CA10: variants seen among roughly 807,000 people sequenced by gnomAD.
CA10 encodes carbonic anhydrase-related protein 10.
CA10 carries 14 observed loss-of-function variants against 44.2 expected under a neutral mutation model. That is an observed-to-expected ratio of 0.32 (90% CI 0.21 to 0.50). The LOEUF (loss-of-function observed/expected upper bound fraction) is 0.50. Among genes scored for constraint, CA10 ranks in the 20% least tolerant of loss-of-function variants. The pLI is 0.99. For synonymous variants in CA10, 159 were observed against 141.6 expected (o/e 1.12, Z -0.87); for missense variants, 350 against 409.7 (o/e 0.85, Z 1.26).
In CA10 at chr17:51,765,022, A is replaced by G. The variant is rs1191845899; in HGVS notation, c.280-17204T>C. Among the ~76,000 whole-genome samples the G allele has an allele frequency of 2.0e-5, 3 of 152,250 alleles. 1 individual carries two copies. The East Asian group carries it at 5.8e-4, about 29-fold the overall frequency. ...TTTTAAATATTAAAGATAAAGGCAAAGACTTAGATCATCTTTTTATCTCAG... is the reference window on the plus strand; with the variant it reads ...TTTTAAATATTAAAGATAAAGGCAAGGACTTAGATCATCTTTTTATCTCAG... On this transcript the variant is annotated intron_variant, in intron 3 of 8. Coordinates refer to ENST00000451037, the MANE Select transcript of CA10 (RefSeq NM_020178.5).
chr17:51,771,607 C>G (rs1905615961), intron 3 of CA10, among the ~76,000 whole-genome samples: 1 of 152,180 alleles, frequency 6.6e-6, no homozygotes, highest in African/African-American at 2.4e-5. Context: ...TGCCTTTCCC[C>G]CTTTTGGCAT....
At chr17:52,084,013 AAGAT>A (rs1988051919) in intron 1 of CA10, among the ~76,000 whole-genome samples, 1 of 152,198 alleles carries the variant, frequency 6.6e-6, no homozygotes, top group Non-Finnish European at 1.5e-5. Flanking sequence ...TGGAAGAAAA[AAGAT>A]AGCCCTCCCT....
chr17:51,842,543 T>G (rs1249227362), intron 3 of CA10, among the ~76,000 whole-genome samples: 2 of 152,244 alleles, frequency 1.3e-5, no homozygotes. Flanking sequence ...GCAGTCATTA[T>G]ATGTTACATC....
intron 4 of CA10, among the ~76,000 whole-genome samples, chr17:51,710,921 CTTTT>C (rs55854155): frequency 5.1e-3 from 429 of 84,474 alleles, no homozygotes; most frequent in African/African-American, 0.017. Context: ...CAACATTTTG[CTTTT>C]TTTTTTTTTT....
chr17:51,941,243 G>A (rs544363302), intron 2 of CA10, among the ~76,000 whole-genome samples: 9 of 152,140 alleles, frequency 5.9e-5, no homozygotes, highest in Non-Finnish European at 1.3e-4. Context: ...TGCCATTATG[G>A]TTTCCTCCTC....
At chr17:51,672,079 T>C (rs1914449464) in intron 4 of CA10, among the ~76,000 whole-genome samples, 1 of 152,202 alleles carries the variant, frequency 6.6e-6, no homozygotes, top group Admixed American at 6.5e-5. Flanking sequence ...TCCCCAGTTG[T>C]TGTAAGAATT....
chr17:51,657,264 T>C (rs1182964401), intron 4 of CA10, among the ~76,000 whole-genome samples: 3 of 152,170 alleles, frequency 2.0e-5, no homozygotes, highest in Admixed American at 1.3e-4. Context: ...GAACACAGTT[T>C]GGGCATCAAA....
Position 52,157,775 on chromosome 17 carries a change from G to A in CA10, c.12C>T (p.Val4=), listed in dbSNP as rs1989840003. ...CTTGAAGAAGAAAAAGCACCTCCCA[G>A]ACTATTTCCATCCTCTGATTCTCAT... MEI[V]WEVLFLLQAN... The change falls in exon 1 of 9, where the codon GTC becomes GTT. Residue 4 remains valine, a synonymous_variant. Transcript: ENST00000451037. 6.2e-7 allele frequency: 1 copy of A among 1,613,836 alleles called. No homozygotes were observed. The highest frequency in any genetic ancestry group is 8.5e-7 in the Non-Finnish European group (1 of 1,179,808).
In CA10 at chr17:52,157,281, C is replaced by T. The variant is rs369797708; in HGVS notation, c.61+445G>A. 6.6e-4 allele frequency among the ~76,000 whole-genome samples: 100 copies of T among 152,232 alleles called. 1 individual carries two copies. The South Asian group carries it at 0.021, about 31-fold the overall frequency. On this transcript the variant is annotated intron_variant, in intron 1 of 8. Coordinates refer to ENST00000451037, the MANE Select transcript of CA10 (RefSeq NM_020178.5). ...TGCTGGTACTCTCCAGTCCCGCATC[C>T]TCCCGCAGTCTCTTGAAAGTGGTTA...
intron 1 of CA10, among the ~76,000 whole-genome samples, chr17:52,090,660 A>T (rs1598209403): frequency 2.0e-5 from 3 of 152,186 alleles, no homozygotes; most frequent in Admixed American, 2.0e-4. Context: ...TTTTTCTGTA[A>T]ATACAGCATC....
chr17:52,086,885 T>C (rs2143194856), intron 1 of CA10, among the ~76,000 whole-genome samples: 1 of 152,338 alleles, frequency 6.6e-6, no homozygotes. Context: ...GCTTTAGCCA[T>C]TTTGAAGACT....
intron 2 of CA10, among the ~76,000 whole-genome samples, chr17:51,941,505 T>C (rs2144016742): frequency 1.3e-5 from 2 of 152,234 alleles, no homozygotes; most frequent in East Asian, 3.9e-4. Flanking sequence ...AACTGGGAAT[T>C]AAAACCACAA....
At chr17:51,797,386 C>T (rs1906754901) in intron 3 of CA10, among the ~76,000 whole-genome samples, 1 of 152,190 alleles carries the variant, frequency 6.6e-6, no homozygotes, top group Admixed American at 6.5e-5. Flanking sequence ...ACACCCCGCC[C>T]TCCACTAACT....
chr17:52,033,035 G>A (rs1986514334), intron 2 of CA10, among the ~76,000 whole-genome samples: 1 of 152,174 alleles, frequency 6.6e-6, no homozygotes, highest in African/African-American at 2.4e-5. Context: ...CTAAGTGGTT[G>A]GCAATGACTC....
intron 2 of CA10, among the ~76,000 whole-genome samples, chr17:51,994,725 CTAAAATTTAT>C (rs1388354034): frequency 2.6e-5 from 4 of 151,942 alleles, no homozygotes; most frequent in Non-Finnish European, 5.9e-5. Flanking sequence ...TCAGCTTGCC[CTAAAATTTAT>C]TAAAAATTAT....
At chr17:51,760,582 G>A (rs1446247565) in intron 3 of CA10, among the ~76,000 whole-genome samples, 1 of 152,146 alleles carries the variant, frequency 6.6e-6, no homozygotes, top group Non-Finnish European at 1.5e-5. Context: ...GAAAAGGAGG[G>A]GATGGGATGC....
chr17:51,965,367 G>T (rs1188542899), intron 2 of CA10, among the ~76,000 whole-genome samples: 2 of 151,714 alleles, frequency 1.3e-5, no homozygotes, highest in Non-Finnish European at 3.0e-5. Flanking sequence ...ACTCTTCCCT[G>T]ACTCATTCTA....
chr17:51,777,322 C>G (rs577058552), intron 3 of CA10, among the ~76,000 whole-genome samples: 1 of 152,258 alleles, frequency 6.6e-6, no homozygotes, highest in Admixed American at 6.5e-5. Flanking sequence ...TATTTCAGGA[C>G]AGTTTAGAGC....
At chr17:51,944,700 A>G (rs979556486) in intron 2 of CA10, among the ~76,000 whole-genome samples, 3 of 152,118 alleles carry the variant, frequency 2.0e-5, no homozygotes, top group African/African-American at 7.2e-5. Flanking sequence ...AATAACCAAA[A>G]TGTGGATAGA....
Sources: gnomAD v4.1 joint callset for allele counts (sites outside exome capture counted in the v4.1 genomes callset) on GRCh38, gnomAD v4.1.1 for gene constraint, MANE v1.5 for transcripts, NCBI Gene and HGNC (gene_info 2026-07-23, HGNC 2026-07-21) for gene names.